IQCK: variants seen among roughly 807,000 people sequenced by gnomAD.
IQCK encodes the protein IQ domain-containing protein K.
A neutral mutation model predicts 28.1 loss-of-function variants in IQCK; 29 were observed. That is an observed-to-expected ratio of 1.03 (90% CI 0.77 to 1.41). The LOEUF (loss-of-function observed/expected upper bound fraction) is 1.41. IQCK is among the 40% of genes most tolerant of loss of function. The pLI, the probability that IQCK is intolerant of heterozygous loss-of-function variation, is 0.00. For missense variants in IQCK, 359 were observed against 314.7 expected (o/e 1.14, Z -1.07); for synonymous variants, 113 against 115.1 (o/e 0.98, Z 0.12).
At chr16:19,720,677 T>TC (rs1339601807) in intron 1 of IQCK, among the ~76,000 whole-genome samples, 5 of 152,210 alleles carry the variant, frequency 3.3e-5, no homozygotes, top group Non-Finnish European at 7.3e-5. Context: ...GGGTTTTGGT[T>TC]CTCTCTGAAG....
intron 4 of IQCK, chr16:19,761,603 A>T (rs1409477917): frequency 3.6e-6 from 1 of 278,716 alleles, no homozygotes; most frequent in Non-Finnish European, 7.2e-6. Flanking sequence ...TTTCCATAAC[A>T]ATTCTCTAAA....
At chr16:19,768,362 G>A (rs745867508) in intron 6 of IQCK, among the ~76,000 whole-genome samples, 3 of 152,180 alleles carry the variant, frequency 2.0e-5, no homozygotes, top group Non-Finnish European at 4.4e-5. Context: ...ACTCTGTCAA[G>A]GCTTTTTAAA....
intron 7 of IQCK, among the ~76,000 whole-genome samples, chr16:19,801,122 G>A (rs973944437): frequency 7.0e-6 from 1 of 142,166 alleles, no homozygotes; most frequent in Admixed American, 6.8e-5. Context: ...ATCTTGTTTT[G>A]TATTTCATAG....
At chr16:19,735,129 T>C (rs1977970207) in intron 3 of IQCK, among the ~76,000 whole-genome samples, 2 of 152,208 alleles carry the variant, frequency 1.3e-5, no homozygotes, top group East Asian at 1.9e-4. Context: ...CCTGGCCTTA[T>C]GTAGGATACT....
intron 6 of IQCK, among the ~76,000 whole-genome samples, chr16:19,766,329 A>G (rs1046927614): frequency 3.3e-5 from 5 of 152,188 alleles, no homozygotes; most frequent in African/African-American, 7.2e-5. Context: ...TTGTAATTCA[A>G]ATGTTAACAA....
rs1190378060 is a variant in IQCK at position 19,811,325 on chromosome 16, C to A, written c.691-15701C>A. Among the ~76,000 whole-genome samples the A allele has an allele frequency of 2.0e-5, 3 of 152,206 alleles. No homozygotes were observed. The East Asian group carries it at 5.8e-4, about 29-fold the overall frequency. On this transcript the variant is annotated intron_variant, in intron 7 of 7. Coordinates refer to ENST00000564186, the Ensembl canonical transcript of IQCK. ...ATGGTCTCTAGCATAGCAAACTTTG[C>A]TGTAGTTTAACCCTGTAAATCATTG...
downstream of IQCK, among the ~76,000 whole-genome samples, chr16:19,829,309 T>C (rs1449922735): frequency 1.3e-5 from 2 of 151,198 alleles, no homozygotes; most frequent in Non-Finnish European, 2.9e-5. Context: ...CAATGCCTTC[T>C]TCACCGTGAG....
At chr16:19,721,139 A>G (rs544684529) in intron 1 of IQCK, among the ~76,000 whole-genome samples, 1 of 151,742 alleles carries the variant, frequency 6.6e-6, no homozygotes, top group African/African-American at 2.4e-5. Context: ...TTTCTATAAC[A>G]TGTAGTAAAT....
chr16:19,857,614 C>A, exon 10 of IQCK: 1 of 307,020 alleles, frequency 3.3e-6, no homozygotes, highest in Non-Finnish European at 6.1e-6. Flanking sequence ...ATCATTGCAT[C>A]ATTGGATTAT....
chr16:19,729,072 G>T (rs1977748211), intron 1 of IQCK, among the ~76,000 whole-genome samples: 1 of 152,128 alleles, frequency 6.6e-6, no homozygotes, highest in South Asian at 2.1e-4. Context: ...CTGGCCATGA[G>T]CATTTTCTGT....
At chr16:19,818,692 C>T (rs778110097) in intron 7 of IQCK, among the ~76,000 whole-genome samples, 3 of 151,980 alleles carry the variant, frequency 2.0e-5, no homozygotes, top group Admixed American at 6.6e-5. Context: ...CGTGCTCAGC[C>T]GTTTTTTATA....
chr16:19,766,959 A>T (rs2055247200), intron 6 of IQCK, among the ~76,000 whole-genome samples: 1 of 152,186 alleles, frequency 6.6e-6, no homozygotes, highest in Non-Finnish European at 1.5e-5. Context: ...AATCTCAGCT[A>T]CTTGGGAGGC....
chr16:19,773,716 A>C (rs1014452489), intron 6 of IQCK, among the ~76,000 whole-genome samples: 1 of 152,234 alleles, frequency 6.6e-6, no homozygotes, highest in Non-Finnish European at 1.5e-5. Context: ...GATTTGGCCC[A>C]TGAGCTACGG....
chr16:19,784,961 G>A (rs1209041368), intron 6 of IQCK, among the ~76,000 whole-genome samples: 1 of 152,252 alleles, frequency 6.6e-6, no homozygotes, highest in East Asian at 1.9e-4. Context: ...TAGAGATGGG[G>A]TTTCACCATG....
intron 6 of IQCK, chr16:19,766,065 A>G (rs1231883414): frequency 6.6e-6 from 1 of 152,250 alleles, no homozygotes; most frequent in Non-Finnish European, 1.5e-5. Context: ...ACAGGAACAG[A>G]AACACAAGAG....
At chr16:19,816,427 G>A (rs2055989781) in intron 7 of IQCK, among the ~76,000 whole-genome samples, 1 of 152,080 alleles carries the variant, frequency 6.6e-6, no homozygotes, top group Non-Finnish European at 1.5e-5. Flanking sequence ...GATTACAGGT[G>A]CGTGCCACCA....
chr16:19,833,910 A>C (rs2056263423), intron 9 of IQCK, among the ~76,000 whole-genome samples: 1 of 151,892 alleles, frequency 6.6e-6, no homozygotes, highest in Non-Finnish European at 1.5e-5. Flanking sequence ...GGGCAACACA[A>C]TGAGACCCCG....
At chr16:19,718,566 C>A in intron 1 of IQCK, 79 bp downstream of exon 1, 1 of 1,298,702 alleles carries the variant, frequency 7.7e-7, no homozygotes, top group Non-Finnish European at 1.0e-6. Flanking sequence ...GCCCACTGTG[C>A]GCCTGTCGGC....
At chr16:19,776,738 G>A (rs2055401203) in intron 6 of IQCK, among the ~76,000 whole-genome samples, 1 of 152,024 alleles carries the variant, frequency 6.6e-6, no homozygotes, top group Non-Finnish European at 1.5e-5. Context: ...AACAAAAAAC[G>A]ATCTGCCACG....
Sources: allele counts gnomAD v4.1 joint callset (sites outside exome capture counted in the v4.1 genomes callset), GRCh38; gene constraint gnomAD v4.1.1; transcripts MANE v1.5; gene names NCBI Gene and HGNC (gene_info 2026-07-23, HGNC 2026-07-21).